The following EHMT1 variants were observed in gnomAD, a reference collection of about 807,000 sequenced individuals.
EHMT1 encodes the protein euchromatic histone lysine methyltransferase 1, also known as histone-lysine N-methyltransferase EHMT1.
EHMT1 carries 15 observed loss-of-function variants against 147.2 expected under a neutral mutation model. The ratio of observed to expected loss-of-function variants is 0.10; its 90% CI spans 0.07 to 0.16. The LOEUF is 0.16. EHMT1 is among the 10% of genes least tolerant of loss of function. EHMT1 has a pLI of 1.00. For missense variants in EHMT1, 1,587 were observed against 1,772.4 expected (o/e 0.90, Z 1.88); for synonymous variants, 795 against 709.6 (o/e 1.12, Z -1.91).
chr9:137,671,374 A>G (rs1429401629), intron 1 of EHMT1, among the ~76,000 whole-genome samples: 1 of 152,138 alleles, frequency 6.6e-6, no homozygotes, highest in African/African-American at 2.4e-5. Flanking sequence ...GGAAACCCTC[A>G]TTTATATGTA....
chr9:137,659,997 T>G (rs1362861513), intron 1 of EHMT1, among the ~76,000 whole-genome samples: 1 of 152,120 alleles, frequency 6.6e-6, no homozygotes, highest in African/African-American at 2.4e-5. Context: ...GTGATTGACC[T>G]TTTTCTTTTT....
intron 3 of EHMT1, among the ~76,000 whole-genome samples, chr9:137,717,750 C>T (rs928675136): frequency 6.6e-6 from 1 of 152,176 alleles, no homozygotes; most frequent in Non-Finnish European, 1.5e-5. Flanking sequence ...CGTGTCAGAT[C>T]CTTTCAAGGA....
chr9:137,723,336 T>C (rs11137186), intron 3 of EHMT1, among the ~76,000 whole-genome samples: 15 of 95,246 alleles, frequency 1.6e-4, no homozygotes, highest in African/African-American at 8.6e-4. Context: ...GGGGTGTGTC[T>C]GTGTCCGTGG....
At chr9:137,806,829 C>G (rs1159611011) in intron 18 of EHMT1, among the ~76,000 whole-genome samples, 1 of 152,228 alleles carries the variant, frequency 6.6e-6, no homozygotes, top group Admixed American at 6.5e-5. Flanking sequence ...TCTTCCAATG[C>G]TTTAAATGGC....
In EHMT1 at chr9:137,814,294, CCA is replaced by C. The variant is rs1265081852; in HGVS notation, c.3181-131_3181-130del. 8.9e-6 allele frequency: 8 copies of C among 895,036 alleles called. No homozygotes were observed. The African/African-American group carries it at 1.3e-4, about 15-fold the overall frequency. 55.4% of individuals were successfully genotyped at this position (895,036 alleles called of 1,614,324 possible). A position where few individuals can be genotyped will look rare whatever the true frequency, so the allele number is the denominator to read the frequency against. On this transcript the variant is annotated intron_variant, in intron 21 of 26. Coordinates refer to ENST00000460843, the MANE Select transcript of EHMT1 (RefSeq NM_024757.5). ...CCTGCACAGCCTTCTCCCTAAGAGG[CCA>C]CACACTCACGTGGTGCCTTTGAGAA...
intron 2 of EHMT1, among the ~76,000 whole-genome samples, chr9:137,713,282 T>TA (rs1197296127): frequency 7.3e-6 from 1 of 137,788 alleles, no homozygotes; most frequent in Non-Finnish European, 1.5e-5. Context: ...TTTTTTTTTT[T>TA]TTTTTGAGAT....
intron 1 of EHMT1, among the ~76,000 whole-genome samples, chr9:137,673,946 C>G (rs752470942): frequency 6.6e-6 from 1 of 152,166 alleles, no homozygotes; most frequent in East Asian, 1.9e-4. Flanking sequence ...TCTCTGGAGC[C>G]TGGGGGCTGA....
At chr9:137,660,053 A>C (rs12349983) in intron 1 of EHMT1, among the ~76,000 whole-genome samples, 5,036 of 150,960 alleles carry the variant, frequency 0.033, 316 homozygotes, top group African/African-American at 0.11. Flanking sequence ...ATCTTTCTTC[A>C]TGTGCCGGTG....
intron 10 of EHMT1, among the ~76,000 whole-genome samples, chr9:137,772,601 A>G (rs374901796): frequency 9.9e-5 from 15 of 152,178 alleles, no homozygotes; most frequent in East Asian, 5.8e-4. Context: ...GTGCGGACCC[A>G]CCTTCAGGCA....
At chr9:137,643,552 G>A (rs952093857) in intron 1 of EHMT1, among the ~76,000 whole-genome samples, 20 of 151,956 alleles carry the variant, frequency 1.3e-4, no homozygotes, top group African/African-American at 3.6e-4. Flanking sequence ...GTTTCACCGT[G>A]TTAGCCAAGA....
intron 2 of EHMT1, among the ~76,000 whole-genome samples, chr9:137,713,263 ATTTTTTTTTTTTT>A (rs59459382): frequency 9.8e-6 from 1 of 102,354 alleles, no homozygotes; most frequent in African/African-American, 3.3e-5. Context: ...CACCATGCTA[ATTTTTTTTTTTTT>A]TTTTTTTTTT....
At chr9:137,690,208 C>T (rs1033736025) in intron 1 of EHMT1, among the ~76,000 whole-genome samples, 5 of 152,082 alleles carry the variant, frequency 3.3e-5, no homozygotes, top group Admixed American at 2.6e-4. Flanking sequence ...CTAGATTTGC[C>T]GATGGACGTC....
intron 2 of EHMT1, chr9:137,715,763 T>C: frequency 2.0e-6 from 2 of 985,390 alleles, no homozygotes; most frequent in Non-Finnish European, 2.4e-6. Context: ...GTGCTCCAAG[T>C]ATAAGCCCTT....
At chr9:137,688,913 T>C (rs1395280330) in intron 1 of EHMT1, among the ~76,000 whole-genome samples, 2 of 152,182 alleles carry the variant, frequency 1.3e-5, no homozygotes, top group Non-Finnish European at 1.5e-5. Context: ...TCTGATCTGC[T>C]ATTGTGGATG....
At chr9:137,694,847 C>G (rs1234022702) in intron 1 of EHMT1, among the ~76,000 whole-genome samples, 1 of 152,224 alleles carries the variant, frequency 6.6e-6, no homozygotes, top group Non-Finnish European at 1.5e-5. Flanking sequence ...TTTGATGTTG[C>G]AGGTAAACCA....
intron 18 of EHMT1, among the ~76,000 whole-genome samples, chr9:137,803,835 A>G (rs60455714): frequency 0.14 from 20,853 of 150,282 alleles, 4,724 homozygotes; most frequent in African/African-American, 0.48. Flanking sequence ...TGTCTCAAAA[A>G]TTAAAAAAAA....
At chr9:137,833,820 T>C (rs1412144912) in intron 25 of EHMT1, among the ~76,000 whole-genome samples, 1 of 152,216 alleles carries the variant, frequency 6.6e-6, no homozygotes, top group Admixed American at 6.5e-5. Context: ...GTGGGCAGCC[T>C]CCGCCTGACG....
rs563178595 is a variant in EHMT1 at position 137,671,218 on chromosome 9, G to A, written c.22-39749G>A. On this transcript the variant is annotated intron_variant, in intron 1 of 26. Coordinates refer to ENST00000460843, the MANE Select transcript of EHMT1 (RefSeq NM_024757.5). ...AATTCTTAATTTTTTTTCATTCAGT[G>A]TAAGAAAAAAGCAGAAGGAAATATA... Among the ~76,000 whole-genome samples the A allele has an allele frequency of 4.6e-5, 7 of 152,126 alleles. No individual in the cohort carries two copies. The South Asian group carries it at 1.2e-3, about 27-fold the overall frequency.
intron 1 of EHMT1, among the ~76,000 whole-genome samples, chr9:137,643,650 A>G (rs993597767): frequency 6.6e-6 from 1 of 152,032 alleles, no homozygotes; most frequent in Non-Finnish European, 1.5e-5. Flanking sequence ...GCCCGGCCGT[A>G]TAAAGGTTTT....
Sources: gnomAD v4.1 joint callset for allele counts (sites outside exome capture counted in the v4.1 genomes callset) on GRCh38, gnomAD v4.1.1 for gene constraint, MANE v1.5 for transcripts, NCBI Gene and HGNC (gene_info 2026-07-23, HGNC 2026-07-21) for gene names.